The following PPM1H variants were observed in gnomAD, a reference collection of about 807,000 sequenced individuals.
PPM1H encodes protein phosphatase 1H.
A neutral mutation model predicts 54.9 loss-of-function variants in PPM1H; 27 were observed. The observed-to-expected ratio is 0.49, with a 90% CI of 0.36 to 0.68. The LOEUF is 0.68. Ranked by LOEUF, PPM1H falls within the 30% of genes least tolerant of loss-of-function variation. PPM1H has a pLI of 0.00. For synonymous variants in PPM1H, 305 were observed against 270.8 expected, an observed-to-expected ratio of 1.13 and a Z score of -1.24; for missense variants, 596 against 667.8, an observed-to-expected ratio of 0.89 and a Z score of 1.19.
intron 8 of PPM1H, among the ~76,000 whole-genome samples, chr12:62,682,162 T>A (rs542361272): frequency 6.6e-6 from 1 of 152,336 alleles, no homozygotes; most frequent in South Asian, 2.1e-4. Context: ...TTCTTCCTCT[T>A]CCAAATAGAA....
intron 2 of PPM1H, among the ~76,000 whole-genome samples, chr12:62,804,339 G>A (rs114841080): frequency 4.1e-4 from 47 of 114,196 alleles, no homozygotes; most frequent in African/African-American, 2.1e-3. Flanking sequence ...GGGTGACAGA[G>A]TGACCCTGTC....
chr12:62,824,723 T>A (rs1324787646), intron 2 of PPM1H, among the ~76,000 whole-genome samples: 1 of 152,182 alleles, frequency 6.6e-6, no homozygotes. Flanking sequence ...ACTGGATCCC[T>A]TCCTTACACC....
chr12:62,792,528 A>C (rs1405453558), intron 3 of PPM1H, among the ~76,000 whole-genome samples: 1 of 152,200 alleles, frequency 6.6e-6, no homozygotes, highest in African/African-American at 2.4e-5. Flanking sequence ...ATAAGTGTGC[A>C]TACATGCACA....
At chr12:62,927,616 C>T (rs569259780) in intron 1 of PPM1H, among the ~76,000 whole-genome samples, 5 of 149,170 alleles carry the variant, frequency 3.4e-5, no homozygotes, top group South Asian at 2.1e-4. Flanking sequence ...AAGCCGAGAT[C>T]GTACCACTGC....
At chr12:62,783,864 T>G (rs1018643277) in intron 4 of PPM1H, among the ~76,000 whole-genome samples, 1 of 152,220 alleles carries the variant, frequency 6.6e-6, no homozygotes, top group Non-Finnish European at 1.5e-5. Context: ...GTAATGGCTT[T>G]GCTTCCTCAG....
intron 1 of PPM1H, among the ~76,000 whole-genome samples, chr12:62,880,564 C>A (rs989658116): frequency 5.3e-5 from 8 of 152,116 alleles, no homozygotes. Context: ...TCGTGATTAC[C>A]CTCCATCAGC....
chr12:62,899,051 T>C (rs150997597), intron 1 of PPM1H, among the ~76,000 whole-genome samples: 124 of 152,324 alleles, frequency 8.1e-4, no homozygotes, highest in Non-Finnish European at 1.5e-3. Flanking sequence ...CCGGGAACAA[T>C]AGCATATATT....
At chr12:62,871,297 T>C (rs961707210) in intron 1 of PPM1H, among the ~76,000 whole-genome samples, 3 of 151,690 alleles carry the variant, frequency 2.0e-5, no homozygotes, top group South Asian at 2.1e-4. Context: ...AAAAAAACGA[T>C]GTTATATGAG....
chr12:62,771,868 G>C (rs944552362), intron 4 of PPM1H, among the ~76,000 whole-genome samples: 1 of 152,126 alleles, frequency 6.6e-6, no homozygotes, highest in African/African-American at 2.4e-5. Flanking sequence ...AGGGGTTTTT[G>C]TCTTCATTAT....
chr12:62,903,088 C>A (rs112331324), intron 1 of PPM1H, among the ~76,000 whole-genome samples: 2,170 of 152,176 alleles, frequency 0.014, 64 homozygotes, highest in African/African-American at 0.049. Flanking sequence ...GTTGTCACCC[C>A]CTCCTGAGAC....
At chr12:62,773,262 T>G (rs2076589946) in intron 4 of PPM1H, among the ~76,000 whole-genome samples, 1 of 152,080 alleles carries the variant, frequency 6.6e-6, no homozygotes, top group African/African-American at 2.4e-5. Flanking sequence ...ATTGCTTGAA[T>G]CCAGCAGTTC....
At chr12:62,859,795 G>C (rs1869531658) in intron 1 of PPM1H, among the ~76,000 whole-genome samples, 1 of 152,184 alleles carries the variant, frequency 6.6e-6, no homozygotes. Context: ...AACCTAAGGA[G>C]AGGGCACATC....
chr12:62,715,467 C>T (rs1169913492), intron 6 of PPM1H, among the ~76,000 whole-genome samples: 1 of 151,964 alleles, frequency 6.6e-6, no homozygotes, highest in Non-Finnish European at 1.5e-5. Context: ...GGTGGGGGAG[C>T]CAGGGAAGAG....
chr12:62,784,115 G>A (rs778312777), intron 4 of PPM1H, among the ~76,000 whole-genome samples: 3 of 152,128 alleles, frequency 2.0e-5, no homozygotes, highest in Admixed American at 6.6e-5. Context: ...TGACTCTGCC[G>A]GGGAAAAATA....
intron 1 of PPM1H, among the ~76,000 whole-genome samples, chr12:62,931,641 C>T (rs368928910): frequency 2.0e-5 from 3 of 152,132 alleles, no homozygotes; most frequent in East Asian, 1.9e-4. Context: ...TTTGGTGTTG[C>T]GAGCTCTGGA....
chr12:62,916,686 T>C (rs1168098239), intron 1 of PPM1H, among the ~76,000 whole-genome samples: 2 of 152,034 alleles, frequency 1.3e-5, no homozygotes, highest in Non-Finnish European at 2.9e-5. Flanking sequence ...TGTACTTAAA[T>C]CAGAAGAACT....
At position 62,768,724 on chromosome 12, in the gene PPM1H, C is replaced by T. The variant is rs1174187181; in HGVS notation, c.869+19502G>A. ...AATGAGAGAACTTTGAGTATGTTTG[C>T]AGGCAGGTAAGAAGCCAAGGGGAAG... On this transcript the variant is annotated intron_variant, in intron 4 of 9. Transcript: ENST00000228705. Among the ~76,000 whole-genome samples the T allele has an allele frequency of 5.9e-5, 9 of 151,790 alleles. No homozygotes were observed. The East Asian group carries it at 1.7e-3, about 29-fold the overall frequency.
intron 1 of PPM1H, among the ~76,000 whole-genome samples, chr12:62,901,751 G>A (rs890727257): frequency 2.0e-5 from 3 of 152,066 alleles, no homozygotes; most frequent in Non-Finnish European, 4.4e-5. Context: ...GCCATGGTAG[G>A]AAGTCCCTGA....
chr12:62,808,403 T>A (rs1445403124), intron 2 of PPM1H, among the ~76,000 whole-genome samples: 1 of 152,156 alleles, frequency 6.6e-6, no homozygotes, highest in Non-Finnish European at 1.5e-5. Flanking sequence ...AAGGTTGCCT[T>A]AATTTATACA....
Sources: allele counts gnomAD v4.1 joint callset (sites outside exome capture counted in the v4.1 genomes callset), GRCh38; gene constraint gnomAD v4.1.1; transcripts MANE v1.5; gene names NCBI Gene and HGNC (gene_info 2026-07-23, HGNC 2026-07-21).